RHPN2: variants seen among roughly 807,000 people sequenced by gnomAD.
RHPN2 encodes the protein rhophilin Rho GTPase binding protein 2.
Under a neutral mutation model 79.0 loss-of-function variants are expected in RHPN2, and 40 were observed. The observed-to-expected ratio is 0.51, with a 90% confidence interval of 0.39 to 0.66. The LOEUF (loss-of-function observed/expected upper bound fraction) is 0.66. RHPN2 is among the 30% of genes least tolerant of loss of function. RHPN2 has a pLI of 0.00. For missense variants in RHPN2, 686 were observed against 883.5 expected, an observed-to-expected ratio of 0.78 and a Z score of 2.83; for synonymous variants, 285 against 363.5, an observed-to-expected ratio of 0.78 and a Z score of 2.46.
intron 3 of RHPN2, among the ~76,000 whole-genome samples, chr19:33,023,784 C>CAAAAAAAAA (rs61273503): frequency 9.0e-6 from 1 of 110,572 alleles, no homozygotes. Flanking sequence ...GACTCCATCT[C>CAAAAAAAAA]AAAAAAAAAA....
intron 5 of RHPN2, 131 bp from the exon 6 acceptor site, chr19:33,011,934 A>G (rs746767992): frequency 5.9e-6 from 7 of 1,184,838 alleles, no homozygotes; most frequent in African/African-American, 1.5e-5. Flanking sequence ...CGCTACTGGC[A>G]TCGTAAACTC....
chr19:32,994,078 A>T (rs1555710264), intron 11 of RHPN2, 25 bp from the exon 12 acceptor site: 1 of 1,503,836 alleles, frequency 6.6e-7, no homozygotes, highest in Non-Finnish European at 9.3e-7. Flanking sequence ...TAGAAATGGG[A>T]GGATAAACGT....
At chr19:32,998,732 T>C (rs34187516) in intron 10 of RHPN2, among the ~76,000 whole-genome samples, 41,030 of 131,042 alleles carry the variant, frequency 0.31, 6,614 homozygotes, top group Middle Eastern at 0.48. Context: ...AAGGAAAGAA[T>C]AAAGGAGAGA....
chr19:32,991,281 C>T (rs920767006), intron 13 of RHPN2: 2 of 190,844 alleles, frequency 1.0e-5, no homozygotes, highest in African/African-American at 4.8e-5. Flanking sequence ...CACAGTGAAA[C>T]CCCGTCTCTA....
intron 1 of RHPN2, among the ~76,000 whole-genome samples, chr19:33,052,844 G>T (rs200994600): frequency 7.6e-4 from 115 of 152,298 alleles, no homozygotes; most frequent in Non-Finnish European, 1.4e-3. Context: ...TTCACACAGG[G>T]GTGGAGGGGG....
intron 2 of RHPN2, among the ~76,000 whole-genome samples, chr19:33,037,742 G>T (rs1251852356): frequency 3.3e-5 from 5 of 152,134 alleles, no homozygotes; most frequent in African/African-American, 4.8e-5. Context: ...AAACACATCC[G>T]AACATCAGAG....
intron 9 of RHPN2, among the ~76,000 whole-genome samples, chr19:33,000,221 A>AT (rs11335915): frequency 6.2e-4 from 81 of 130,446 alleles, no homozygotes; most frequent in Admixed American, 1.7e-3. Context: ...GAGGTTCATA[A>AT]TTTTTTTTTT....
chr19:33,063,392 G>C (rs945610572), intron 1 of RHPN2, among the ~76,000 whole-genome samples: 5 of 152,038 alleles, frequency 3.3e-5, no homozygotes, highest in Admixed American at 6.6e-5. Flanking sequence ...GTGTCACCTG[G>C]GAGAAGGAGG....
chr19:33,054,266 T>G (rs1972213801), intron 1 of RHPN2, among the ~76,000 whole-genome samples: 1 of 142,042 alleles, frequency 7.0e-6, no homozygotes, highest in South Asian at 2.4e-4. Flanking sequence ...AGTGGCACAA[T>G]CTCAGCTGAC....
chr19:33,003,518 A>ACTTGAACACCC (rs1971767770), intron 7 of RHPN2, among the ~76,000 whole-genome samples: 1 of 152,152 alleles, frequency 6.6e-6, no homozygotes, highest in Admixed American at 6.6e-5. Context: ...CTTAAATGAC[A>ACTTGAACACCC]CTTGAACACC....
intron 7 of RHPN2, 95 bp downstream of exon 7, chr19:33,007,919 C>T (rs1341641905): frequency 6.6e-6 from 9 of 1,370,800 alleles, no homozygotes; most frequent in Non-Finnish European, 7.1e-6. Context: ...CTGGCCCTTG[C>T]GAGGGATGAC....
chr19:33,041,639 T>G (rs1465576649), intron 2 of RHPN2, among the ~76,000 whole-genome samples: 2 of 152,134 alleles, frequency 1.3e-5, no homozygotes, highest in Non-Finnish European at 2.9e-5. Flanking sequence ...CTGCCCTAGT[T>G]CCTGCCTGAG....
intron 6 of RHPN2, among the ~76,000 whole-genome samples, chr19:33,009,321 T>A (rs1971818880): frequency 6.6e-6 from 1 of 151,864 alleles, no homozygotes; most frequent in African/African-American, 2.4e-5. Context: ...CTGGGAGCGG[T>A]GGCTCATGCC....
At chr19:33,046,860 A>AT (rs57187046) in intron 1 of RHPN2, among the ~76,000 whole-genome samples, 6,534 of 145,198 alleles carry the variant, frequency 0.045, 449 homozygotes, top group African/African-American at 0.15. Flanking sequence ...TCCTTTGCCC[A>AT]TTTTTTTTTT....
Position 33,002,552 on chromosome 19 carries a change from G to T in RHPN2, c.949-149C>A, listed in dbSNP as rs182027131. On this transcript the variant is annotated intron_variant, in intron 8 of 14. Transcript: ENST00000254260. ...TGGGAGCAACTCCAAGAGACCCCTC[G>T]TTCTGTCATTGTCACAGTTAACAGG... 181 of 993,432 alleles carry T rather than the reference G, an allele frequency of 1.8e-4. 2 individuals carry two copies. The highest frequency in any genetic ancestry group is 9.2e-4 in the Middle Eastern group (3 of 3,274). 61.5% of individuals were successfully genotyped at this position (993,432 alleles called of 1,614,324 possible).
chr19:32,994,086 C>T (rs139029436), intron 11 of RHPN2, 33 bp from the exon 12 acceptor site: 21 of 1,459,672 alleles, frequency 1.4e-5, no homozygotes, highest in East Asian at 6.8e-5. Context: ...GGAGGATAAA[C>T]GTTTCTGTAA....
intron 1 of RHPN2, among the ~76,000 whole-genome samples, chr19:33,052,842 G>A (rs577477673): frequency 2.6e-5 from 4 of 152,330 alleles, no homozygotes; most frequent in Non-Finnish European, 4.4e-5. Flanking sequence ...CATTCACACA[G>A]GGGTGGAGGG....
At chr19:33,024,520 C>T (rs1971951056) in intron 3 of RHPN2, among the ~76,000 whole-genome samples, 1 of 152,128 alleles carries the variant, frequency 6.6e-6, no homozygotes, top group Admixed American at 6.6e-5. Context: ...GAAGAGCCAG[C>T]GAGGTTTCAC....
chr19:33,012,712 C>G lies in RHPN2; in HGVS notation c.403G>C (p.Glu135Gln), dbSNP rs1309189094. The G allele has an allele frequency of 6.3e-7, 1 of 1,594,646 alleles. No homozygotes were observed. Among genetic ancestry groups the G allele is most frequent in the South Asian group, 1.1e-5 (1 of 90,650 alleles). The change falls in exon 5 of 15, where the codon GAA becomes CAA. Residue 135 changes from glutamate (E) to glutamine (Q), a missense_variant. Coordinates refer to ENST00000254260, the MANE Select transcript of RHPN2 (RefSeq NM_033103.5). ...AAATAGCCATCTTCACTGTAATGTTCCAGGATAAAATCCTTAAAGAAAAAT... is the reference window on the plus strand; with the variant it reads ...AAATAGCCATCTTCACTGTAATGTTGCAGGATAAAATCCTTAAAGAAAAAT... ...FAVVLKDFIL[E>Q]HYSEDGYLYE...
Sources: allele counts gnomAD v4.1 joint callset (sites outside exome capture counted in the v4.1 genomes callset), GRCh38; gene constraint gnomAD v4.1.1; transcripts MANE v1.5; gene names NCBI Gene and HGNC (gene_info 2026-07-23, HGNC 2026-07-21).